Variants in CSNK1D observed in about 807,000 individuals in gnomAD.
CSNK1D encodes casein kinase 1 delta, also known as casein kinase I isoform delta.
A neutral mutation model predicts 46.6 loss-of-function variants in CSNK1D; 16 were observed. That is an observed-to-expected ratio of 0.34 (90% confidence interval 0.23 to 0.52). The LOEUF (loss-of-function observed/expected upper bound fraction) is 0.52, where lower values mean the gene tolerates loss of function less well. Ranked by LOEUF, CSNK1D falls within the 20% of genes least tolerant of loss-of-function variation. The pLI, the probability that CSNK1D is intolerant of heterozygous loss-of-function variation, is 0.95. For missense variants in CSNK1D, 398 were observed against 578.4 expected (o/e 0.69, Z 3.20); for synonymous variants, 276 against 228.2 (o/e 1.21, Z -1.89).
chr17:82,254,709 C>T (rs1269457729), intron 3 of CSNK1D: 2 of 122,216 alleles, frequency 1.6e-5, no homozygotes, highest in African/African-American at 1.8e-4. Context: ...TGAGCTGAGC[C>T]GCCGGAGCCT....
chr17:82,253,345 CCT>C, intron 3 of CSNK1D, 101 bp from the exon 4 acceptor site: 1 of 948,544 alleles, frequency 1.1e-6, no homozygotes, highest in South Asian at 1.3e-5. Flanking sequence ...TGTTCCTGCC[CCT>C]CAGCCACAGC....
chr17:82,245,706 G>A (rs549658656), intron 8 of CSNK1D: 21 of 481,804 alleles, frequency 4.4e-5, no homozygotes, highest in South Asian at 2.5e-4. Context: ...AACGGCACAC[G>A]GAACGCAGTC....
At chr17:82,270,890 G>A (rs964497437) in intron 1 of CSNK1D, among the ~76,000 whole-genome samples, 4 of 152,208 alleles carry the variant, frequency 2.6e-5, no homozygotes, top group Non-Finnish European at 4.4e-5. Context: ...TATCCAGCAT[G>A]ACTGTATGCC....
rs2050903988 is a variant in CSNK1D, at chr17:82,248,352, C to T, written c.1197+523G>A. ...TAGGCCTGGGCTGCGCAACAGGGTA[C>T]TTCTCGTCCAAGGGAAGACAGGTGA... On this transcript the variant is annotated intron_variant, in intron 8 of 8. Coordinates refer to ENST00000314028, the MANE Select transcript of CSNK1D (RefSeq NM_001893.6). The surrounding 1 kb of genome is among the most constrained non-coding windows in gnomAD (Gnocchi z 4.1). 3 of 997,634 alleles carry T rather than the reference C, an allele frequency of 3.0e-6. No individual in the cohort carries two copies. Among genetic ancestry groups the T allele is most frequent in the Non-Finnish European group, 3.6e-6 (3 of 836,788 alleles). The allele number at this position is 997,634 out of a possible 1,614,324, so 61.8% of individuals were successfully genotyped here.
Position 82,252,495 on chromosome 17 carries a change from G to A in CSNK1D, c.675C>T (p.Tyr225=), listed in dbSNP as rs149588488. Residue 225 remains tyrosine (Y), a synonymous_variant, in exon 5 of 9, where the codon TAC becomes TAT. Coordinates refer to ENST00000314028, the MANE Select transcript of CSNK1D (RefSeq NM_001893.6). The surrounding 1 kb of genome is among the most constrained non-coding windows in gnomAD (Gnocchi z 4.6). ...GLKAATKRQK[Y]ERISEKKMST... ...ACATTTTCTTCTCGCTAATCCTTTC[G>A]TATTTCTGTCTCTTGGTGGCAGCCT... 1.1e-4 allele frequency: 176 copies of A among 1,614,104 alleles called. No homozygotes were observed. The Middle Eastern group carries it at 1.3e-3, about 12-fold the overall frequency.
rs2050788869 is a variant in CSNK1D, at chr17:82,244,011, C to T, written c.*770G>A. On this transcript the variant is annotated 3_prime_UTR_variant, in exon 9 of 9. Coordinates refer to ENST00000314028, the MANE Select transcript of CSNK1D (RefSeq NM_001893.6). ...GGTAACACCCACTGCACCCCTGCCC[C>T]GCGGCAGCCTGCGGTCCCTAACTGC... 2.0e-5 allele frequency: 20 copies of T among 987,208 alleles called. No homozygotes were observed. Among genetic ancestry groups the T allele is most frequent in the East Asian group, 1.1e-4 (1 of 8,846 alleles). The allele number at this position is 987,208 out of a possible 1,614,324, so 61.2% of individuals were successfully genotyped here.
At chr17:82,272,721 TGACA>T (rs1295076190) in intron 1 of CSNK1D, among the ~76,000 whole-genome samples, 2 of 152,170 alleles carry the variant, frequency 1.3e-5, no homozygotes, top group African/African-American at 4.8e-5. Context: ...TGGGTCTTTC[TGACA>T]TTTTCCCCCA....
chr17:82,253,890 G>C (rs76025163), intron 3 of CSNK1D: 4 of 248,864 alleles, frequency 1.6e-5, no homozygotes, highest in Admixed American at 1.2e-4. Flanking sequence ...TGAAGCCAGT[G>C]AGCTGAGCCG....
chr17:82,271,468 G>T (rs750427802), intron 1 of CSNK1D, among the ~76,000 whole-genome samples: 1 of 152,184 alleles, frequency 6.6e-6, no homozygotes, highest in Non-Finnish European at 1.5e-5. Flanking sequence ...AAAATCCATT[G>T]TTCTATAAAT....
rs2050929740 is a variant in CSNK1D, at chr17:82,249,109, G to C, written c.1058-95C>G. ...AGGCTGTGGCCAGAGAGGACCCTGG[G>C]CTGCCTGGACAGTCAGGACCTGGCT... On this transcript the variant is annotated intron_variant, in intron 7 of 8. Coordinates refer to ENST00000314028, the MANE Select transcript of CSNK1D (RefSeq NM_001893.6). This position sits in a 1 kb window ranked among gnomAD's most constrained non-coding sequence, Gnocchi z 6.7. The C allele has an allele frequency of 1.9e-5, 27 of 1,445,156 alleles. No homozygotes were observed. The South Asian group carries it at 2.1e-4, about 11-fold the overall frequency. 89.5% of individuals were successfully genotyped at this position (1,445,156 alleles called of 1,614,324 possible).
chr17:82,247,291 G>A lies in CSNK1D; in HGVS notation c.1197+1584C>T, dbSNP rs555169213. ...GGAGACACTGCTCACGGCCACCTTGGGGGCTGGTGGCTACAACAGCCACAC... is the reference window on the plus strand; with the variant it reads ...GGAGACACTGCTCACGGCCACCTTGAGGGCTGGTGGCTACAACAGCCACAC... On this transcript the variant is annotated intron_variant, in intron 8 of 8. Transcript: ENST00000314028. 5,238 of 985,402 alleles carry A rather than the reference G, an allele frequency of 5.3e-3. 21 individuals are homozygous for A. Among genetic ancestry groups the A allele is most frequent in the Non-Finnish European group, 5.9e-3 (4,857 of 829,918 alleles). The allele number at this position is 985,402 out of a possible 1,614,324, so 61.0% of individuals were successfully genotyped here.
At chr17:82,254,916 G>C (rs9748190) in intron 3 of CSNK1D, among the ~76,000 whole-genome samples, 9,285 of 118,244 alleles carry the variant, frequency 0.079, 1,197 homozygotes, top group East Asian at 0.15. Context: ...GGGGCCTCCA[G>C]AAGCCAGTGA....
chr17:82,267,488 G>T lies in CSNK1D; in HGVS notation c.77-1692C>A, dbSNP rs1005074945. Among the ~76,000 whole-genome samples, 12 of 151,976 alleles carry T rather than the reference G, an allele frequency of 7.9e-5. No individual in the cohort carries two copies. The East Asian group carries it at 2.3e-3, about 29-fold the overall frequency. The stretch of plus-strand genomic sequence containing the variant: ...GCCCCAAACCCCTTGCCACTGCTGC[G>T]TTCCACAGGAATCGCCACCACCGGG... On this transcript the variant is annotated intron_variant, in intron 1 of 8. Coordinates refer to ENST00000314028, the MANE Select transcript of CSNK1D (RefSeq NM_001893.6).
At chr17:82,260,983 C>T (rs2051325858) in intron 2 of CSNK1D, 1 of 155,004 alleles carries the variant, frequency 6.5e-6, no homozygotes, top group African/African-American at 2.4e-5. Flanking sequence ...AGCCATCCTC[C>T]TGCCTCAGCC....
At position 82,248,087 on chromosome 17, in the gene CSNK1D, C is replaced by T. The variant is rs138804877; in HGVS notation, c.1197+788G>A. On this transcript the variant is annotated intron_variant, in intron 8 of 8. Coordinates refer to ENST00000314028, the MANE Select transcript of CSNK1D (RefSeq NM_001893.6). This position sits in a 1 kb window ranked among gnomAD's most constrained non-coding sequence, Gnocchi z 4.1. ...TTTCTGAACTGAGTTCCTGCTCATC[C>T]GGAAGACCCGTGGGGGATCTGGGCA... is the stretch of plus-strand genomic sequence containing the variant. 2.9e-4 allele frequency: 287 copies of T among 985,474 alleles called. 2 individuals are homozygous for T. The African/African-American group carries it at 4.5e-3, about 16-fold the overall frequency. 61.0% of individuals were successfully genotyped at this position (985,474 alleles called of 1,614,324 possible).
chr17:82,239,149 C>T (rs2050699624), downstream of CSNK1D: 8 of 616,502 alleles, frequency 1.3e-5, no homozygotes, highest in Middle Eastern at 4.5e-4. Context: ...GGGTGGGAAC[C>T]GTGTCATTCC....
rs1015525469 is a variant in CSNK1D, at chr17:82,249,099, A to T, written c.1058-85T>A. On this transcript the variant is annotated intron_variant, in intron 7 of 8. Transcript: ENST00000314028. This position sits in a 1 kb window ranked among gnomAD's most constrained non-coding sequence, Gnocchi z 6.7. Reference sequence around the variant, plus strand: ...TTTCTATGAGAGGCTGTGGCCAGAGAGGACCCTGGGCTGCCTGGACAGTCA... The same window carrying T: ...TTTCTATGAGAGGCTGTGGCCAGAGTGGACCCTGGGCTGCCTGGACAGTCA... 247 of 1,489,582 alleles carry T rather than the reference A, an allele frequency of 1.7e-4. No homozygotes were observed. The highest frequency in any genetic ancestry group is 2.2e-4 in the Non-Finnish European group (241 of 1,107,042). 92.3% of individuals were successfully genotyped at this position (1,489,582 alleles called of 1,614,324 possible).
rs564268918 is a variant in CSNK1D at position 82,248,735 on chromosome 17, C to T, written c.1197+140G>A. ...CGAGAAGCCTCATCTGCAACCAAGACGCCACACCCTGGCGAGATTAAAAAC... is the reference window on the plus strand; with the variant it reads ...CGAGAAGCCTCATCTGCAACCAAGATGCCACACCCTGGCGAGATTAAAAAC... On this transcript the variant is annotated intron_variant, in intron 8 of 8. Transcript: ENST00000314028. The surrounding 1 kb of genome is among the most constrained non-coding windows in gnomAD (Gnocchi z 4.1). The T allele has an allele frequency of 2.5e-5, 37 of 1,486,690 alleles. No homozygotes were observed. The highest frequency in any genetic ancestry group is 1.7e-4 in the Middle Eastern group (1 of 5,726). The allele number at this position is 1,486,690 out of a possible 1,614,324, so 92.1% of individuals were successfully genotyped here.
intron 1 of CSNK1D, among the ~76,000 whole-genome samples, chr17:82,272,937 G>A (rs1337933030): frequency 1.5e-5 from 1 of 66,852 alleles, no homozygotes; most frequent in Non-Finnish European, 2.9e-5. Context: ...CCCCAGGCCC[G>A]CCTCCCCACG....
Sources: gnomAD v4.1 joint callset for allele counts (sites outside exome capture counted in the v4.1 genomes callset) on GRCh38, gnomAD v4.1.1 for gene constraint, Gnocchi (gnomAD v3.1) non-coding constraint, MANE v1.5 for transcripts, NCBI Gene and HGNC (gene_info 2026-07-23, HGNC 2026-07-21) for gene names.